The following ST6GALNAC5 variants were observed in gnomAD, a reference collection of about 807,000 sequenced individuals.
The protein encoded by ST6GALNAC5 is alpha-N-acetylgalactosaminide alpha-2,6-sialyltransferase 5.
In ST6GALNAC5, 27 loss-of-function variants were observed where a neutral mutation model predicts 33.6. That is an observed-to-expected ratio of 0.80 (90% CI 0.59 to 1.11). ST6GALNAC5 has a LOEUF of 1.11. Among genes scored for constraint, ST6GALNAC5 ranks in the 50% least tolerant of loss-of-function variants. ST6GALNAC5 has a pLI of 0.00. For synonymous variants in ST6GALNAC5, 194 were observed against 171.2 expected (o/e 1.13, Z -1.04); for missense variants, 428 against 454.0 (o/e 0.94, Z 0.52).
intron 2 of ST6GALNAC5, among the ~76,000 whole-genome samples, chr1:76,968,591 G>A (rs1171951430): frequency 1.3e-5 from 2 of 152,138 alleles, no homozygotes; most frequent in Admixed American, 6.6e-5. Flanking sequence ...GTTAAGGTTA[G>A]TATTGTTGTG....
At chr1:76,903,024 A>C (rs918992878) in intron 2 of ST6GALNAC5, among the ~76,000 whole-genome samples, 2 of 152,132 alleles carry the variant, frequency 1.3e-5, no homozygotes, top group Non-Finnish European at 2.9e-5. Flanking sequence ...CATGAGCAAC[A>C]ACAACAACAA....
chr1:77,052,892 G>A (rs1020434038), intron 4 of ST6GALNAC5, among the ~76,000 whole-genome samples: 6 of 146,640 alleles, frequency 4.1e-5, no homozygotes, highest in Admixed American at 6.9e-5. Context: ...CCCTCCAGCC[G>A]GGGCGACAAA....
chr1:76,984,102 CTA>C (rs1649377699), intron 2 of ST6GALNAC5, among the ~76,000 whole-genome samples: 2 of 152,138 alleles, frequency 1.3e-5, no homozygotes, highest in African/African-American at 4.8e-5. Context: ...ATTAGAAGAA[CTA>C]CAGAAGCAAG....
rs140456200 is a variant in ST6GALNAC5 at position 76,872,795 on chromosome 1, C to T, written c.261+4053C>T. ...GAATCTCAAGGAAATTCAAAGTGAGCTAATTTTCAATGCTCAGGTATTATA... is the reference window on the plus strand; with the variant it reads ...GAATCTCAAGGAAATTCAAAGTGAGTTAATTTTCAATGCTCAGGTATTATA... On this transcript the variant is annotated intron_variant, in intron 2 of 4. Transcript: ENST00000477717. 5.3e-5 allele frequency among the ~76,000 whole-genome samples: 8 copies of T among 152,166 alleles called. No individual in the cohort carries two copies. The East Asian group carries it at 1.5e-3, about 29-fold the overall frequency.
At chr1:77,046,564 G>A (rs528329649) in intron 3 of ST6GALNAC5, among the ~76,000 whole-genome samples, 1 of 152,250 alleles carries the variant, frequency 6.6e-6, no homozygotes, top group Admixed American at 6.5e-5. Context: ...AGATCACATT[G>A]GGGATTCTGA....
intron 2 of ST6GALNAC5, among the ~76,000 whole-genome samples, chr1:76,917,438 TAATA>T: frequency 6.6e-6 from 1 of 152,074 alleles, no homozygotes; most frequent in Non-Finnish European, 1.5e-5. Context: ...CTACGATAAC[TAATA>T]AATCTGTACA....
At chr1:76,877,839 T>A (rs1009073717) in intron 2 of ST6GALNAC5, among the ~76,000 whole-genome samples, 4 of 152,204 alleles carry the variant, frequency 2.6e-5, no homozygotes, top group Non-Finnish European at 4.4e-5. Context: ...AAAGGTATAT[T>A]CCTGGCCTTG....
At chr1:77,037,944 C>T (rs755474051) in intron 2 of ST6GALNAC5, among the ~76,000 whole-genome samples, 4 of 152,116 alleles carry the variant, frequency 2.6e-5, no homozygotes, top group Non-Finnish European at 5.9e-5. Flanking sequence ...AGAAGGTGCA[C>T]CATTACTTGA....
intron 2 of ST6GALNAC5, among the ~76,000 whole-genome samples, chr1:76,989,691 A>C (rs1180914852): frequency 2.0e-5 from 3 of 151,742 alleles, no homozygotes; most frequent in African/African-American, 7.3e-5. Context: ...CTTCTTTTCC[A>C]CAGTCTCCAC....
chr1:76,971,591 T>C (rs113201500), intron 2 of ST6GALNAC5, among the ~76,000 whole-genome samples: 1 of 152,220 alleles, frequency 6.6e-6, no homozygotes, highest in Non-Finnish European at 1.5e-5. Flanking sequence ...CCCTGTTTTT[T>C]GCCTTTTGTT....
At chr1:76,987,787 C>T (rs1216200361) in intron 2 of ST6GALNAC5, among the ~76,000 whole-genome samples, 1 of 152,108 alleles carries the variant, frequency 6.6e-6, no homozygotes. Flanking sequence ...GATGCTTTTG[C>T]CTCACAACTC....
intron 2 of ST6GALNAC5, among the ~76,000 whole-genome samples, chr1:77,026,754 G>A (rs2100443139): frequency 6.6e-6 from 1 of 152,260 alleles, no homozygotes; most frequent in East Asian, 1.9e-4. Context: ...CTTGCAGAAT[G>A]GTGCCTGGAA....
intron 2 of ST6GALNAC5, among the ~76,000 whole-genome samples, chr1:76,914,556 T>C (rs1334832910): frequency 6.6e-6 from 1 of 152,166 alleles, no homozygotes; most frequent in Non-Finnish European, 1.5e-5. Context: ...AACTATCTGA[T>C]CTTTGACAAA....
intron 2 of ST6GALNAC5, among the ~76,000 whole-genome samples, chr1:76,892,576 C>T (rs1293115843): frequency 6.6e-6 from 1 of 152,164 alleles, no homozygotes; most frequent in Non-Finnish European, 1.5e-5. Flanking sequence ...TATTCCACCC[C>T]AATTAATCTC....
At chr1:76,974,773 CTTTTT>C (rs60357939) in intron 2 of ST6GALNAC5, among the ~76,000 whole-genome samples, 10 of 35,246 alleles carry the variant, frequency 2.8e-4, no homozygotes, top group Non-Finnish European at 3.7e-4. Flanking sequence ...TTCTTTCTTT[CTTTTT>C]TTTTTTTTTT....
At chr1:77,015,083 ACACATG>A (rs1029455649) in intron 2 of ST6GALNAC5, among the ~76,000 whole-genome samples, 3 of 98,486 alleles carry the variant, frequency 3.0e-5, no homozygotes, top group African/African-American at 1.2e-4. Flanking sequence ...ACACACACAC[ACACATG>A]GAGCTTTATT....
In ST6GALNAC5 at chr1:77,044,305, C is replaced by T; in HGVS notation, c.363C>T (p.Ile121=). The T allele has an allele frequency of 1.9e-6, 3 of 1,614,038 alleles. No individual in the cohort carries two copies. The South Asian group carries it at 3.3e-5, about 18-fold the overall frequency. The stretch of plus-strand genomic sequence containing the variant: ...AGATTGACCAGACAGAGTGTGTCAT[C>T]CGCATGAATGACGCCCCCACACGCG... The part of the protein sequence containing the change: ...GSQIDQTECV[I]RMNDAPTRGY... Residue 121 remains isoleucine, a synonymous_variant, in exon 3 of 5, where the codon ATC becomes ATT. Transcript: ENST00000477717.
At chr1:76,969,594 G>T (rs1031517998) in intron 2 of ST6GALNAC5, among the ~76,000 whole-genome samples, 1 of 152,216 alleles carries the variant, frequency 6.6e-6, no homozygotes, top group Non-Finnish European at 1.5e-5. Flanking sequence ...ACCTATGGGG[G>T]CAGGGCATAG....
At chr1:76,889,280 G>A (rs186925645) in intron 2 of ST6GALNAC5, among the ~76,000 whole-genome samples, 1 of 152,090 alleles carries the variant, frequency 6.6e-6, no homozygotes, top group East Asian at 1.9e-4. Flanking sequence ...TTGGATATTA[G>A]CATTATTGTG....
Sources: gnomAD v4.1 joint callset for allele counts (sites outside exome capture counted in the v4.1 genomes callset) on GRCh38, gnomAD v4.1.1 for gene constraint, MANE v1.5 for transcripts, NCBI Gene and HGNC (gene_info 2026-07-23, HGNC 2026-07-21) for gene names.